CFAP77: variants seen among roughly 807,000 people sequenced by gnomAD.
CFAP77 encodes the protein cilia and flagella associated protein 77.
A neutral mutation model predicts 31.1 loss-of-function variants in CFAP77; 25 were observed. The observed-to-expected ratio is 0.80, with a 90% CI of 0.59 to 1.12. The LOEUF (loss-of-function observed/expected upper bound fraction) is 1.12. CFAP77 is among the 50% of genes most tolerant of loss of function. The pLI is 0.00. For synonymous variants in CFAP77, 151 were observed against 159.9 expected (o/e 0.94, Z 0.42); for missense variants, 377 against 397.3 (o/e 0.95, Z 0.44).
intron 3 of CFAP77, among the ~76,000 whole-genome samples, chr9:132,529,513 A>C (rs1472782240): frequency 8.5e-6 from 1 of 117,320 alleles, no homozygotes; most frequent in Non-Finnish European, 1.9e-5. Context: ...ATAATAAAAA[A>C]AAAAAACAAA....
chr9:132,471,491 C>T (rs1188563930), intron 1 of CFAP77, among the ~76,000 whole-genome samples: 2 of 151,990 alleles, frequency 1.3e-5, no homozygotes, highest in South Asian at 2.1e-4. Context: ...AATGGCCACC[C>T]CCTCAGGTCC....
chr9:132,428,105 C>G (rs556069057), intron 1 of CFAP77, among the ~76,000 whole-genome samples: 1 of 151,818 alleles, frequency 6.6e-6, no homozygotes, highest in East Asian at 1.9e-4. Context: ...TCAAGTGATT[C>G]TCCCACCTCA....
chr9:132,427,578 G>T (rs935578694), intron 1 of CFAP77, among the ~76,000 whole-genome samples: 1 of 152,128 alleles, frequency 6.6e-6, no homozygotes, highest in African/African-American at 2.4e-5. Context: ...TCACGCAACT[G>T]CACTCCAGCC....
At chr9:132,448,273 A>C (rs930159718) in intron 1 of CFAP77, among the ~76,000 whole-genome samples, 3 of 152,178 alleles carry the variant, frequency 2.0e-5, no homozygotes, top group African/African-American at 7.2e-5. Context: ...TTGTGGCCTC[A>C]GACAGAGTAG....
intron 3 of CFAP77, among the ~76,000 whole-genome samples, chr9:132,523,426 G>A (rs1852304380): frequency 6.6e-6 from 1 of 152,176 alleles, no homozygotes; most frequent in African/African-American, 2.4e-5. Context: ...TTTGTGCAGA[G>A]GCACCTGTAC....
intron 5 of CFAP77, among the ~76,000 whole-genome samples, chr9:132,544,048 G>A (rs551089701): frequency 9.7e-4 from 148 of 152,304 alleles, no homozygotes; most frequent in African/African-American, 3.4e-3. Context: ...AGCCAGGCCC[G>A]GCCGCTGTGC....
At chr9:132,558,071 T>G (rs1852931641) in intron 5 of CFAP77, among the ~76,000 whole-genome samples, 1 of 152,194 alleles carries the variant, frequency 6.6e-6, no homozygotes. Context: ...TAACAGAGGT[T>G]GGCCATCAGC....
chr9:132,464,428 G>A (rs183688783), intron 1 of CFAP77, among the ~76,000 whole-genome samples: 4 of 152,126 alleles, frequency 2.6e-5, no homozygotes, highest in Non-Finnish European at 5.9e-5. Context: ...CCACACAACT[G>A]TGGAACAGCA....
chr9:132,422,753 C>T (rs1176687241), intron 1 of CFAP77, among the ~76,000 whole-genome samples: 2 of 152,102 alleles, frequency 1.3e-5, no homozygotes, highest in Non-Finnish European at 2.9e-5. Flanking sequence ...GTCCAGAAAC[C>T]AACAAGAGGC....
At chr9:132,557,518 T>C (rs1289994732) in intron 5 of CFAP77, among the ~76,000 whole-genome samples, 2 of 152,204 alleles carry the variant, frequency 1.3e-5, no homozygotes, top group Non-Finnish European at 2.9e-5. Context: ...CAAGATTTAA[T>C]CAGGGACCTC....
intron 3 of CFAP77, among the ~76,000 whole-genome samples, chr9:132,507,296 G>A (rs1240285365): frequency 6.6e-6 from 1 of 152,166 alleles, no homozygotes; most frequent in Non-Finnish European, 1.5e-5. Context: ...TGAACAAATG[G>A]CCACATTGGG....
chr9:132,498,860 C>T lies in CFAP77; in HGVS notation c.295+66C>T, dbSNP rs1421457383. 15 of 1,164,236 alleles carry T rather than the reference C, an allele frequency of 1.3e-5. No homozygotes were observed. Among genetic ancestry groups the T allele is most frequent in the Non-Finnish European group, 1.9e-5 (15 of 798,594 alleles). The allele number at this position is 1,164,236 out of a possible 1,614,324, so 72.1% of individuals were successfully genotyped here. On this transcript the variant is annotated intron_variant, in intron 2 of 5. Transcript: ENST00000393216. This position sits in a 1 kb window ranked among gnomAD's most constrained non-coding sequence, Gnocchi z 4.2. ...AGGGAGGCTCACCCCTCTTCACAGA[C>T]CCCTTGACCTAGCTCGCTGCTTGGC... is the stretch of plus-strand genomic sequence containing the variant.
chr9:132,459,071 T>C (rs1021909348), intron 1 of CFAP77, among the ~76,000 whole-genome samples: 2 of 146,926 alleles, frequency 1.4e-5, no homozygotes, highest in African/African-American at 5.0e-5. Context: ...GCCCTGAAAC[T>C]ATTTTTTTTT....
intron 3 of CFAP77, among the ~76,000 whole-genome samples, chr9:132,504,009 A>C (rs1851894989): frequency 6.6e-6 from 1 of 152,232 alleles, no homozygotes; most frequent in East Asian, 1.9e-4. Flanking sequence ...ACTGCACTGC[A>C]GTCTGGGTGA....
At chr9:132,417,890 C>CT (rs1850133351) in intron 1 of CFAP77, among the ~76,000 whole-genome samples, 1 of 8,168 alleles carries the variant, frequency 1.2e-4, no homozygotes, top group Non-Finnish European at 2.0e-3. Flanking sequence ...ACATTTTCCC[C>CT]CTTCTGCTCT....
At chr9:132,416,628 C>A (rs1465333139) in intron 1 of CFAP77, among the ~76,000 whole-genome samples, 1 of 149,610 alleles carries the variant, frequency 6.7e-6, no homozygotes, top group African/African-American at 2.5e-5. Flanking sequence ...CAGGCGTGAA[C>A]CACCACACTG....
intron 5 of CFAP77, among the ~76,000 whole-genome samples, chr9:132,544,160 C>G (rs10122061): frequency 0.042 from 6,323 of 152,326 alleles, 388 homozygotes; most frequent in African/African-American, 0.14. Flanking sequence ...TGCTCTGCCC[C>G]CCCTTGACGC....
At chr9:132,569,753 T>TTG (rs1470141218) in intron 5 of CFAP77, among the ~76,000 whole-genome samples, 1 of 139,350 alleles carries the variant, frequency 7.2e-6, no homozygotes, top group East Asian at 2.0e-4. Context: ...TTTTTTTTTT[T>TTG]GAGACGGAAT....
intron 3 of CFAP77, among the ~76,000 whole-genome samples, chr9:132,533,424 T>C (rs747696460): frequency 1.4e-4 from 21 of 149,604 alleles, no homozygotes; most frequent in Middle Eastern, 3.4e-3. Context: ...GCCAGAAGCA[T>C]GAAACAGGAG....
Sources: allele counts gnomAD v4.1 joint callset (sites outside exome capture counted in the v4.1 genomes callset), GRCh38; gene constraint gnomAD v4.1.1; non-coding constraint Gnocchi (gnomAD v3.1); transcripts MANE v1.5; gene names NCBI Gene and HGNC (gene_info 2026-07-23, HGNC 2026-07-21).